ATP2A3: variants seen among roughly 807,000 people sequenced by gnomAD.
ATP2A3 encodes the protein ATPase sarcoplasmic/endoplasmic reticulum Ca2+ transporting 3.
A neutral mutation model predicts 106.8 loss-of-function variants in ATP2A3; 61 were observed. That is an observed-to-expected ratio of 0.57 (90% CI 0.46 to 0.71). The LOEUF is 0.71. Ranked by LOEUF, ATP2A3 falls within the 30% of genes least tolerant of loss-of-function variation. ATP2A3 has a pLI of 0.00. For synonymous variants in ATP2A3, 611 were observed against 609.3 expected (o/e 1.00, Z -0.04); for missense variants, 1,201 against 1,423.5 (o/e 0.84, Z 2.52).
Position 3,936,833 on chromosome 17 carries a change from C to T in ATP2A3, c.2322-364G>A, listed in dbSNP as rs758144783. 202 of 368,652 alleles carry T rather than the reference C, an allele frequency of 5.5e-4. No homozygotes were observed. The highest frequency in any genetic ancestry group is 5.9e-4 in the Non-Finnish European group (112 of 190,898). The allele number at this position is 368,652 out of a possible 1,614,324, so 22.8% of individuals were successfully genotyped here. On this transcript the variant is annotated intron_variant, in intron 15 of 20. Coordinates refer to ENST00000397041, the MANE Select transcript of ATP2A3 (RefSeq NM_005173.4). The surrounding 1 kb of genome is among the most constrained non-coding windows in gnomAD (Gnocchi z 5.4). The stretch of plus-strand genomic sequence containing the variant: ...TGCCACACCATCCGGCAAACACAAG[C>T]AAACACCTACATATCTGCCCTGAGG...
intron 1 of ATP2A3, among the ~76,000 whole-genome samples, chr17:3,958,938 C>T (rs1272470654): frequency 6.7e-6 from 1 of 149,898 alleles, no homozygotes; most frequent in Admixed American, 6.7e-5. Context: ...GTTGCCCAGG[C>T]TGGAGTGCGG....
At chr17:3,934,248 G>C (rs1296005923) in intron 17 of ATP2A3, among the ~76,000 whole-genome samples, 1 of 151,908 alleles carries the variant, frequency 6.6e-6, no homozygotes, top group Non-Finnish European at 1.5e-5. Flanking sequence ...TCTAGAGACA[G>C]GGTCTTACTC....
At chr17:3,961,298 A>C (rs2055122550) in intron 1 of ATP2A3, among the ~76,000 whole-genome samples, 1 of 152,232 alleles carries the variant, frequency 6.6e-6, no homozygotes, top group South Asian at 2.1e-4. Context: ...GTACAAGTAA[A>C]AGCCCCCCAA....
chr17:3,933,840 G>A lies in ATP2A3; in HGVS notation c.2610+1352C>T, dbSNP rs78427334. Among the ~76,000 whole-genome samples, 64 of 151,766 alleles carry A rather than the reference G, an allele frequency of 4.2e-4. 1 individual carries two copies. The East Asian group carries it at 0.011, about 26-fold the overall frequency. On this transcript the variant is annotated intron_variant, in intron 17 of 20. Coordinates refer to ENST00000397041, the MANE Select transcript of ATP2A3 (RefSeq NM_005173.4). ...CATTTCTACTGGTGAGGCCACTGCT[G>A]TGCCCACTCCTTCCCTTTGCCTGCC... is the stretch of plus-strand genomic sequence containing the variant.
chr17:3,927,366 C>T, intron 20 of ATP2A3: 8 of 985,440 alleles, frequency 8.1e-6, no homozygotes, highest in Non-Finnish European at 9.6e-6. Context: ...GCAGTTGTGG[C>T]CATTTGGGAA....
intron 1 of ATP2A3, among the ~76,000 whole-genome samples, chr17:3,954,786 C>CG (rs1449720896): frequency 2.6e-5 from 4 of 152,324 alleles, no homozygotes; most frequent in Admixed American, 1.3e-4. Flanking sequence ...TGAGCCACCG[C>CG]CCAGGCCTAG....
At chr17:3,942,376 T>G (rs2053830441) in intron 12 of ATP2A3, among the ~76,000 whole-genome samples, 1 of 152,222 alleles carries the variant, frequency 6.6e-6, no homozygotes, top group Admixed American at 6.5e-5. Context: ...TAGACAGTGG[T>G]CTGCAAGGGA....
intron 1 of ATP2A3, among the ~76,000 whole-genome samples, chr17:3,954,782 A>C (rs535722379): frequency 6.6e-6 from 1 of 151,994 alleles, no homozygotes; most frequent in African/African-American, 2.4e-5. Flanking sequence ...GGCGTGAGCC[A>C]CCGCCCAGGC....
intron 14 of ATP2A3, among the ~76,000 whole-genome samples, chr17:3,938,758 A>G (rs533548607): frequency 1.3e-5 from 2 of 152,222 alleles, no homozygotes; most frequent in Non-Finnish European, 2.9e-5. Context: ...GCTGGTCTCA[A>G]ACTCCTGACC....
At chr17:3,938,841 C>G (rs2053587735) in intron 14 of ATP2A3, among the ~76,000 whole-genome samples, 1 of 152,112 alleles carries the variant, frequency 6.6e-6, no homozygotes, top group Non-Finnish European at 1.5e-5. Flanking sequence ...CCGGCCAAGA[C>G]TGGAATTCAT....
intron 3 of ATP2A3, among the ~76,000 whole-genome samples, 198 bp from the exon 4 acceptor site, chr17:3,951,883 A>C (rs938723924): frequency 6.6e-6 from 1 of 152,132 alleles, no homozygotes; most frequent in Non-Finnish European, 1.5e-5. Flanking sequence ...CACCCCACCC[A>C]GGCCAACCTT....
At chr17:3,931,174 C>T (rs1005350645) in intron 17 of ATP2A3, among the ~76,000 whole-genome samples, 3 of 152,018 alleles carry the variant, frequency 2.0e-5, no homozygotes, top group African/African-American at 7.2e-5. Context: ...CACCTCATAC[C>T]TCACTCCATT....
rs779567472 is a variant in ATP2A3 at position 3,944,783 on chromosome 17, C to G, written c.1208G>C (p.Arg403Pro). The change falls in exon 10 of 21, where the codon CGC becomes CCC. Residue 403 changes from arginine to proline, a missense_variant. Physicochemically the swap from Arg to Pro is moderately radical, Grantham distance 103 (BLOSUM62 -2). Transcript: ENST00000397041. ...GEVRQGDQPV[R>P]CGQFDGLVEL... ...CACCAGCCCGTCGAACTGGCCGCAGCGCACAGGCTGATCCCCCTGCCGCCT... is the reference window on the plus strand; with the variant it reads ...CACCAGCCCGTCGAACTGGCCGCAGGGCACAGGCTGATCCCCCTGCCGCCT... 8.7e-6 allele frequency: 14 copies of G among 1,612,030 alleles called. No homozygotes were observed. The highest frequency in any genetic ancestry group is 1.2e-5 in the Non-Finnish European group (14 of 1,179,284).
At chr17:3,927,979 AC>A (rs774260560) in intron 20 of ATP2A3, 5 of 1,613,682 alleles carry the variant, frequency 3.1e-6, no homozygotes, top group Non-Finnish European at 4.2e-6. Context: ...ACCGGAGCTC[AC>A]CCCTGCTTCC....
Position 3,947,698 on chromosome 17 carries a change from G to A in ATP2A3, c.788C>T (p.Ala263Val), listed in dbSNP as rs1365951970. 1.2e-6 allele frequency: 2 copies of A among 1,611,538 alleles called. No individual in the cohort carries two copies. The highest frequency in any genetic ancestry group is 1.7e-6 in the Non-Finnish European group (2 of 1,179,904). ...LDEFGRQLSH[A>V]ISVICVAVWV... ...CACGGCCACGCAGATCACAGAGATG[G>A]CGTGGGACAGCTGCCGTCCAAACTC... is the stretch of plus-strand genomic sequence containing the variant. The change falls in exon 8 of 21, where the codon GCC becomes GTC. Residue 263 changes from alanine to valine, a missense_variant. Physicochemically the swap from Ala to Val is moderately conservative, Grantham distance 64. Around this residue, in one of 2 missense-constraint regions of ATP2A3, gnomAD observed 935 missense variants for 1,176.7 expected, o/e 0.79. Coordinates refer to ENST00000397041, the MANE Select transcript of ATP2A3 (RefSeq NM_005173.4). The surrounding 1 kb of genome is among the most constrained non-coding windows in gnomAD (Gnocchi z 7.7).
rs904729263 is a variant in ATP2A3 at position 3,936,900 on chromosome 17, C to T, written c.2322-431G>A. 2 of 327,860 alleles carry T rather than the reference C, an allele frequency of 6.1e-6. No individual in the cohort carries two copies. The highest frequency in any genetic ancestry group is 4.3e-5 in the Admixed American group (1 of 23,120). The allele number at this position is 327,860 out of a possible 1,614,324, so 20.3% of individuals were successfully genotyped here. A position where few individuals can be genotyped will look rare whatever the true frequency, so the allele number is the denominator to read the frequency against. ...CCATCCATGTCCAGCAACACACACGCTCACCATTCCCCACAGGCATCCTCA... is the reference window on the plus strand; with the variant it reads ...CCATCCATGTCCAGCAACACACACGTTCACCATTCCCCACAGGCATCCTCA... On this transcript the variant is annotated intron_variant, in intron 15 of 20. Coordinates refer to ENST00000397041, the MANE Select transcript of ATP2A3 (RefSeq NM_005173.4). The surrounding 1 kb of genome is among the most constrained non-coding windows in gnomAD (Gnocchi z 5.4).
intron 9 of ATP2A3, 35 bp downstream of exon 9, chr17:3,945,025 C>T (rs1839918081): frequency 4.7e-6 from 7 of 1,474,272 alleles, no homozygotes; most frequent in South Asian, 1.3e-5. Context: ...CGCCCCCAGG[C>T]CGCCCGCCCG....
At chr17:3,935,391 C>CTCCTCTG in intron 16 of ATP2A3, 114 bp from the exon 17 acceptor site, 1 of 1,034,878 alleles carries the variant, frequency 9.7e-7, no homozygotes. Flanking sequence ...TTTCCTCTCT[C>CTCCTCTG]AGCCCTGTGG....
At chr17:3,943,173 G>A (rs188870283) in intron 11 of ATP2A3, among the ~76,000 whole-genome samples, 303 of 151,886 alleles carry the variant, frequency 2.0e-3, no homozygotes, top group Middle Eastern at 6.8e-3. Context: ...CCGGGAGGTC[G>A]AGGCACGAGA....
Sources: allele counts gnomAD v4.1 joint callset (sites outside exome capture counted in the v4.1 genomes callset), GRCh38; gene constraint gnomAD v4.1.1; regional missense constraint gnomAD v4.1.1; non-coding constraint Gnocchi (gnomAD v3.1); transcripts MANE v1.5; gene names NCBI Gene and HGNC (gene_info 2026-07-23, HGNC 2026-07-21).